TRMT5: variants seen among roughly 807,000 people sequenced by gnomAD.
The protein encoded by TRMT5 is tRNA (guanine(37)-N(1))-methyltransferase.
A neutral mutation model predicts 42.2 loss-of-function variants in TRMT5; 31 were observed. The ratio of observed to expected loss-of-function variants is 0.73; its 90% CI spans 0.55 to 0.99. The LOEUF is 0.99. Ranked by LOEUF, TRMT5 falls within the 50% of genes least tolerant of loss-of-function variation. TRMT5 has a pLI of 0.00. For missense variants in TRMT5, 568 were observed against 595.0 expected, an observed-to-expected ratio of 0.95 and a Z score of 0.47; for synonymous variants, 198 against 209.6, an observed-to-expected ratio of 0.94 and a Z score of 0.48.
chr14:60,978,584 T>C (rs2036877398), intron 2 of TRMT5, among the ~76,000 whole-genome samples: 1 of 152,164 alleles, frequency 6.6e-6, no homozygotes, highest in Non-Finnish European at 1.5e-5. Flanking sequence ...GTTTCACTTT[T>C]AATGTATGAG....
At chr14:60,976,252 A>G in intron 3 of TRMT5, 126 bp from the exon 4 acceptor site, 1 of 1,084,188 alleles carries the variant, frequency 9.2e-7, no homozygotes, top group East Asian at 2.5e-5. Flanking sequence ...TGTAAGAGCC[A>G]AACAACAGTG....
At position 60,975,054 on chromosome 14, in the gene TRMT5, A is replaced by C; in HGVS notation, c.*55T>G. 1 of 1,401,954 alleles carries C rather than the reference A, an allele frequency of 7.1e-7. No homozygotes were observed. The highest frequency in any genetic ancestry group is 9.8e-7 in the Non-Finnish European group (1 of 1,022,416). 86.8% of individuals were successfully genotyped at this position (1,401,954 alleles called of 1,614,324 possible). On this transcript the variant is annotated 3_prime_UTR_variant, in exon 5 of 5. Coordinates refer to ENST00000261249, the MANE Select transcript of TRMT5 (RefSeq NM_020810.3). ...ACCCTAAAATTTTATTAAATAATAC[A>C]AATTCTATTTCACTACATGTAAGTC...
rs2036823527 is a variant in TRMT5, at chr14:60,975,040, T to G, written c.*69A>C. The G allele has an allele frequency of 7.6e-7, 1 of 1,317,682 alleles. No individual in the cohort carries two copies. Among genetic ancestry groups the G allele is most frequent in the Non-Finnish European group, 1.0e-6 (1 of 963,406 alleles). 81.6% of individuals were successfully genotyped at this position (1,317,682 alleles called of 1,614,324 possible). A position where few individuals can be genotyped will look rare whatever the true frequency, so the allele number is the denominator to read the frequency against. On this transcript the variant is annotated 3_prime_UTR_variant, in exon 5 of 5. Coordinates refer to ENST00000261249, the MANE Select transcript of TRMT5 (RefSeq NM_020810.3). ...ATAGTAAAAACCAAACCCTAAAATT[T>G]TATTAAATAATACAAATTCTATTTC...
chr14:60,977,466 C>T (rs2139642737), intron 3 of TRMT5, 48 bp downstream of exon 3: 1 of 1,546,390 alleles, frequency 6.5e-7, no homozygotes, highest in Non-Finnish European at 8.7e-7. Flanking sequence ...TATTCTGACT[C>T]TAAACATAAT....
intron 3 of TRMT5, 77 bp from the exon 4 acceptor site, chr14:60,976,203 A>G: frequency 6.7e-7 from 1 of 1,483,090 alleles, no homozygotes; most frequent in Non-Finnish European, 9.1e-7. Flanking sequence ...TAGGTTGTGT[A>G]TACACACAGG....
At position 60,976,084 on chromosome 14, in the gene TRMT5, C is replaced by T; in HGVS notation, c.835G>A (p.Val279Ile). 1 of 1,610,692 alleles carries T rather than the reference C, an allele frequency of 6.2e-7. No homozygotes were observed. Among genetic ancestry groups the T allele is most frequent in the Non-Finnish European group, 8.5e-7 (1 of 1,178,710 alleles). Residue 279 changes from valine (V) to isoleucine (I), a missense_variant, in exon 4 of 5, where the codon GTC becomes ATC. Transcript: ENST00000261249. Reference protein sequence around the residue: ...NYTYEFDFSKVYWNPRLSTEH... With the variant: ...NYTYEFDFSKIYWNPRLSTEH... ...GTAGACAGACGAGGATTCCAATAGA[C>T]TTTTGAAAAATCAAATTCATAGGTG...
chr14:60,979,922 C>A, intron 1 of TRMT5, 36 bp from the exon 2 acceptor site: 1 of 1,504,030 alleles, frequency 6.6e-7, no homozygotes, highest in South Asian at 1.3e-5. Flanking sequence ...CACACGACAG[C>A]TTTTGAGAAT....
At chr14:60,978,379 T>C (rs1301006850) in intron 2 of TRMT5, among the ~76,000 whole-genome samples, 1 of 152,238 alleles carries the variant, frequency 6.6e-6, no homozygotes, top group African/African-American at 2.4e-5. Context: ...CCATTTCTGA[T>C]AATCAGATAC....
Position 60,975,790 on chromosome 14 carries a change from CTTTT to C in TRMT5, c.1125_1128del (p.Arg378AsnfsTer8). 6.2e-7 allele frequency: 1 copy of C among 1,614,226 alleles called. No individual in the cohort carries two copies. The highest frequency in any genetic ancestry group is 8.5e-7 in the Non-Finnish European group (1 of 1,180,034). The stretch of plus-strand genomic sequence containing the variant: ...ACAACGTGCACAGAGGGTTTTCTTT[CTTTT>C]GACAGACCCAGCAGCTGCATTAACT... On this transcript the variant is annotated frameshift_variant, in exon 4 of 5. Transcript: ENST00000261249. LOFTEE classifies it high-confidence loss of function.
At chr14:60,975,412 C>T in intron 4 of TRMT5, 63 bp downstream of exon 4, 1 of 1,557,216 alleles carries the variant, frequency 6.4e-7, no homozygotes, top group Non-Finnish European at 8.7e-7. Context: ...ATTTGTAAAA[C>T]TGGGAGGAAT....
In TRMT5 at chr14:60,975,581, G is replaced by A; in HGVS notation, c.1338C>T (p.Cys446=). ...CATTTCTTACCAGGTGAACTGAACT[G>A]CATGCCTCCAGAGAAATGCCTAACA... The part of the protein sequence containing the change: ...GAVLGISLEA[C]SSVHLVRNVA... The change falls in exon 4 of 5, where the codon TGC becomes TGT. Residue 446 remains cysteine, a synonymous_variant. Transcript: ENST00000261249. The A allele has an allele frequency of 1.2e-6, 2 of 1,614,194 alleles. No homozygotes were observed. The highest frequency in any genetic ancestry group is 1.7e-6 in the Non-Finnish European group (2 of 1,180,028).
chr14:60,979,207 T>C (rs755841481), intron 2 of TRMT5, 24 bp downstream of exon 2: 1 of 1,528,028 alleles, frequency 6.5e-7, no homozygotes. Context: ...TTCAAATACA[T>C]GAATATTACT....
At chr14:60,981,428 C>T (rs773067329), upstream of TRMT5, 1 of 1,551,916 alleles carries the variant, frequency 6.4e-7, no homozygotes, top group East Asian at 2.4e-5. Context: ...CCTCCGGCTT[C>T]CCTCAAGTGC....
At position 60,975,148 on chromosome 14, in the gene TRMT5, G is replaced by C. The variant is rs1290126778; in HGVS notation, c.1491C>G (p.Ala497=). 2.5e-6 allele frequency: 4 copies of C among 1,609,006 alleles called. No individual in the cohort carries two copies. Among genetic ancestry groups the C allele is most frequent in the Middle Eastern group, 1.7e-4 (1 of 5,860 alleles). Residue 497 remains alanine (A), a synonymous_variant, in exon 5 of 5, where the codon GCC becomes GCG. Coordinates refer to ENST00000261249, the MANE Select transcript of TRMT5 (RefSeq NM_020810.3). ...PPLKRQRTAE[A]FSDEKTQIVS... ...CAATTTGTGTTTTTTCGTCTGAAAA[G>C]GCTTCAGCCGTCCTCTGCCTTTTAA...
chr14:60,974,203 A>C lies in TRMT5; in HGVS notation c.*906T>G, dbSNP rs1172763114. ...TCATGTGATATACATGGCACTCAAA[A>C]TGCTGTCGTTACAACCACATCAGTG... is the stretch of plus-strand genomic sequence containing the variant. On this transcript the variant is annotated 3_prime_UTR_variant, in exon 5 of 5. Transcript: ENST00000261249. The C allele has an allele frequency of 1.3e-5, 2 of 152,256 alleles. No individual in the cohort carries two copies. The highest frequency in any genetic ancestry group is 4.8e-5 in the African/African-American group (2 of 41,464). 9.4% of individuals were successfully genotyped at this position (152,256 alleles called of 1,614,324 possible).
At chr14:60,978,581 T>C (rs1044629662) in intron 2 of TRMT5, among the ~76,000 whole-genome samples, 3 of 152,220 alleles carry the variant, frequency 2.0e-5, no homozygotes, top group African/African-American at 7.2e-5. Context: ...AATGTTTCAC[T>C]TTTAATGTAT....
Position 60,979,743 on chromosome 14 carries a change from C to G in TRMT5, c.155G>C (p.Gly52Ala), listed in dbSNP as rs1269153320. ...CATGGTTGAGAATCTTTTTCTTTGA[C>G]CCAATAAGAAAATACCAGGTGCTTC... ...LLEAPGIFLL[G>A]QRKRFSTMPE... Residue 52 changes from glycine to alanine, a missense_variant, in exon 2 of 5, where the codon GGT (glycine) becomes GCT (alanine). Physicochemically the swap from Gly to Ala is moderately conservative, Grantham distance 60. Coordinates refer to ENST00000261249, the MANE Select transcript of TRMT5 (RefSeq NM_020810.3). 4.3e-6 allele frequency: 7 copies of G among 1,613,880 alleles called. No individual in the cohort carries two copies. The East Asian group carries it at 1.3e-4, about 31-fold the overall frequency.
At chr14:60,981,577 A>T, upstream of TRMT5, 1 of 1,520,278 alleles carries the variant, frequency 6.6e-7, no homozygotes, top group South Asian at 1.2e-5. Context: ...ATAGCAGCCT[A>T]GCATACTCTA....
In TRMT5 at chr14:60,979,345, TTTC is replaced by T; in HGVS notation, c.550_552del (p.Glu184del). 1 of 1,614,144 alleles carries T rather than the reference TTTC, an allele frequency of 6.2e-7. No individual in the cohort carries two copies. The highest frequency in any genetic ancestry group is 1.1e-5 in the South Asian group (1 of 91,082). On this transcript the variant is annotated inframe_deletion, in exon 2 of 5. Coordinates refer to ENST00000261249, the MANE Select transcript of TRMT5 (RefSeq NM_020810.3). ...CCTTCAGGAAGCACAGCTCTCAAGA[TTTC>T]TTCTGACTTAAAGTGTTCATATGTT...
Sources: allele counts gnomAD v4.1 joint callset (sites outside exome capture counted in the v4.1 genomes callset), GRCh38; gene constraint gnomAD v4.1.1; transcripts MANE v1.5; gene names NCBI Gene and HGNC (gene_info 2026-07-23, HGNC 2026-07-21).